Variants in RALYL observed in about 807,000 individuals in gnomAD.
RALYL encodes the protein RALY RNA binding protein like.
A neutral mutation model predicts 35.1 loss-of-function variants in RALYL; 29 were observed. The observed-to-expected ratio is 0.83, with a 90% confidence interval of 0.61 to 1.13. The LOEUF (loss-of-function observed/expected upper bound fraction) is 1.13, where lower values mean the gene tolerates loss of function less well. Among genes scored for constraint, RALYL ranks in the 50% most tolerant of loss-of-function variants. The pLI is 0.00. For missense variants in RALYL, 359 were observed against 360.4 expected (o/e 1.00, Z 0.03); for synonymous variants, 120 against 127.6 (o/e 0.94, Z 0.40).
At chr8:84,683,600 A>G (rs1836106406) in intron 2 of RALYL, among the ~76,000 whole-genome samples, 1 of 152,154 alleles carries the variant, frequency 6.6e-6, no homozygotes, top group African/African-American at 2.4e-5. Flanking sequence ...GGTTAGCACA[A>G]CTACATCTAT....
chr8:84,775,427 A>G (rs997656347), intron 3 of RALYL, among the ~76,000 whole-genome samples: 1 of 152,218 alleles, frequency 6.6e-6, no homozygotes, highest in Admixed American at 6.5e-5. Flanking sequence ...CTGGTTAACA[A>G]TGGCACCAAT....
chr8:84,358,933 C>G (rs1241709634), intron 1 of RALYL, among the ~76,000 whole-genome samples: 1 of 151,884 alleles, frequency 6.6e-6, no homozygotes, highest in Non-Finnish European at 1.5e-5. Flanking sequence ...TGTAAAATTG[C>G]TGAGTACTTT....
At chr8:84,487,954 C>G (rs2054831354) in intron 1 of RALYL, among the ~76,000 whole-genome samples, 1 of 151,888 alleles carries the variant, frequency 6.6e-6, no homozygotes, top group African/African-American at 2.4e-5. Context: ...GTGAAGTCAA[C>G]AGAGGAAAGA....
At chr8:84,918,226 T>C (rs1041499963) in intron 8 of RALYL, among the ~76,000 whole-genome samples, 1 of 152,060 alleles carries the variant, frequency 6.6e-6, no homozygotes, top group Non-Finnish European at 1.5e-5. Flanking sequence ...AAGACTTATT[T>C]AAAAGTATGA....
At chr8:84,673,108 G>T (rs1209524653) in intron 2 of RALYL, among the ~76,000 whole-genome samples, 2 of 152,048 alleles carry the variant, frequency 1.3e-5, no homozygotes, top group Non-Finnish European at 2.9e-5. Context: ...ATTTTGATTT[G>T]CATTTAATGA....
intron 8 of RALYL, among the ~76,000 whole-genome samples, chr8:84,899,983 T>C (rs966537645): frequency 3.3e-5 from 5 of 152,210 alleles, no homozygotes; most frequent in African/African-American, 1.2e-4. Flanking sequence ...CAGCTATCAG[T>C]GCAGCTATCA....
At chr8:84,874,277 AAAAT>A (rs1231294939) in intron 7 of RALYL, among the ~76,000 whole-genome samples, 6 of 152,282 alleles carry the variant, frequency 3.9e-5, no homozygotes, top group Admixed American at 6.5e-5. Context: ...CATTTCTTAT[AAAAT>A]AAATAAATAA....
At chr8:84,893,089 T>C (rs1327119766) in intron 8 of RALYL, among the ~76,000 whole-genome samples, 1 of 152,060 alleles carries the variant, frequency 6.6e-6, no homozygotes, top group African/African-American at 2.4e-5. Context: ...ACAAAAAACA[T>C]AGTTTATAGT....
chr8:84,624,939 G>A lies in RALYL; in HGVS notation c.256+95362G>A, dbSNP rs1045392992. On this transcript the variant is annotated intron_variant, in intron 2 of 8. Coordinates refer to ENST00000521268, the MANE Select transcript of RALYL (RefSeq NM_173848.7). ...AAACATAAGTCATACTGACATCATT[G>A]ACATCATATAGTCTTTTTATACATA... Among the ~76,000 whole-genome samples the A allele has an allele frequency of 1.3e-5, 2 of 152,036 alleles. 1 individual carries two copies.
At chr8:84,278,519 G>A (rs763066115) in intron 1 of RALYL, among the ~76,000 whole-genome samples, 2 of 152,290 alleles carry the variant, frequency 1.3e-5, no homozygotes, top group Middle Eastern at 3.4e-3. Context: ...TAGAAAATGG[G>A]TTTTTCCTTT....
At chr8:84,661,517 A>T (rs1425065997) in intron 2 of RALYL, among the ~76,000 whole-genome samples, 1 of 150,920 alleles carries the variant, frequency 6.6e-6, no homozygotes, top group Non-Finnish European at 1.5e-5. Flanking sequence ...AATTTAATCA[A>T]TGTTTACTTT....
At chr8:84,399,761 A>G (rs1483142998) in intron 1 of RALYL, among the ~76,000 whole-genome samples, 2 of 152,198 alleles carry the variant, frequency 1.3e-5, no homozygotes, top group Non-Finnish European at 2.9e-5. Context: ...ATTACCCATT[A>G]GCCCAGTCAT....
At chr8:84,469,757 T>C (rs1427331915) in intron 1 of RALYL, among the ~76,000 whole-genome samples, 1 of 152,150 alleles carries the variant, frequency 6.6e-6, no homozygotes, top group Non-Finnish European at 1.5e-5. Context: ...CCCTTGCAGT[T>C]TGATCTCAGA....
chr8:84,470,405 A>C (rs1471501829), intron 1 of RALYL, among the ~76,000 whole-genome samples: 1 of 152,124 alleles, frequency 6.6e-6, no homozygotes, highest in Non-Finnish European at 1.5e-5. Flanking sequence ...ATGAAATTAA[A>C]AACAGGAGGT....
intron 4 of RALYL, among the ~76,000 whole-genome samples, chr8:84,814,319 A>G (rs1368277753): frequency 6.6e-6 from 1 of 152,210 alleles, no homozygotes. Context: ...AAGTTTCATT[A>G]TAAAAACCAA....
In RALYL at chr8:84,340,316, C is replaced by A. The variant is rs181907526; in HGVS notation, c.-24+155892C>A. 3.7e-4 allele frequency among the ~76,000 whole-genome samples: 57 copies of A among 152,188 alleles called. 2 individuals are homozygous for A. Among genetic ancestry groups the A allele is most frequent in the Admixed American group, 3.5e-3 (53 of 15,260 alleles). On this transcript the variant is annotated intron_variant, in intron 1 of 8. Coordinates refer to ENST00000521268, the MANE Select transcript of RALYL (RefSeq NM_173848.7). ...AAGAACACAGTGTAAGATCTACTCACTTGATTTTTAAGTGTAAAATACAGT... is the reference window on the plus strand; with the variant it reads ...AAGAACACAGTGTAAGATCTACTCAATTGATTTTTAAGTGTAAAATACAGT...
chr8:84,350,787 A>G (rs559703470), intron 1 of RALYL, among the ~76,000 whole-genome samples: 2 of 150,408 alleles, frequency 1.3e-5, no homozygotes, highest in Non-Finnish European at 3.0e-5. Flanking sequence ...CTAAAATACT[A>G]TAATTAGAAG....
At chr8:84,336,398 T>A (rs1847813100) in intron 1 of RALYL, among the ~76,000 whole-genome samples, 1 of 152,168 alleles carries the variant, frequency 6.6e-6, no homozygotes, top group Non-Finnish European at 1.5e-5. Flanking sequence ...CACTTTTTTC[T>A]TGACATGTAG....
chr8:84,565,667 T>G (rs1430749651), intron 2 of RALYL, among the ~76,000 whole-genome samples: 1 of 151,552 alleles, frequency 6.6e-6, no homozygotes, highest in Non-Finnish European at 1.5e-5. Flanking sequence ...TAAATGTCAA[T>G]AAATAGTTAT....
Sources: allele counts gnomAD v4.1 joint callset (sites outside exome capture counted in the v4.1 genomes callset), GRCh38; gene constraint gnomAD v4.1.1; transcripts MANE v1.5; gene names NCBI Gene and HGNC (gene_info 2026-07-23, HGNC 2026-07-21).